Variants in IPO9 observed in about 807,000 individuals in gnomAD.
IPO9 encodes importin 9, also known as importin-9.
In IPO9, 28 loss-of-function variants were observed where a neutral mutation model predicts 128.6. The ratio of observed to expected loss-of-function variants is 0.22; its 90% CI spans 0.16 to 0.30. The LOEUF (loss-of-function observed/expected upper bound fraction) is 0.30. Among genes scored for constraint, IPO9 ranks in the 10% least tolerant of loss-of-function variants. The pLI, the probability that IPO9 is intolerant of heterozygous loss-of-function variation, is 1.00. For missense variants in IPO9, 935 were observed against 1,293.9 expected, an observed-to-expected ratio of 0.72 and a Z score of 4.26; for synonymous variants, 455 against 475.8, an observed-to-expected ratio of 0.96 and a Z score of 0.57.
intron 2 of IPO9, 63 bp downstream of exon 2, chr1:201,847,403 T>C (rs1000912364): frequency 7.3e-6 from 11 of 1,515,694 alleles, no homozygotes; most frequent in East Asian, 4.5e-5. Context: ...AACTTTCTTA[T>C]AGGAAAGAAA....
intron 1 of IPO9, among the ~76,000 whole-genome samples, chr1:201,833,681 A>C (rs1043762678): frequency 2.0e-5 from 3 of 152,260 alleles, no homozygotes; most frequent in Admixed American, 1.3e-4. Flanking sequence ...AACCACCTTC[A>C]TCAGATAGCA....
In IPO9 at chr1:201,829,311, C is replaced by A; in HGVS notation, c.102C>A (p.Ser34=). The change falls in exon 1 of 24, where the codon TCC becomes TCA. Residue 34 remains serine (S), a synonymous_variant. Transcript: ENST00000361565. ...ALVDTLTGIL[S]PVQEVRAAAE... ...TGGATACGCTCACCGGGATCCTATC[C>A]CCAGTACAGGAGGTGCGGGCGGCTG... The A allele has an allele frequency of 6.3e-7, 1 of 1,596,576 alleles. No homozygotes were observed.
chr1:201,869,392 G>T (rs1312435350), intron 16 of IPO9, among the ~76,000 whole-genome samples, 198 bp from the exon 17 acceptor site: 1 of 152,154 alleles, frequency 6.6e-6, no homozygotes, highest in Non-Finnish European at 1.5e-5. Flanking sequence ...CCACCCCTAT[G>T]GCTAATCAAT....
At chr1:201,854,040 G>T (rs1680274226) in intron 6 of IPO9, among the ~76,000 whole-genome samples, 1 of 152,038 alleles carries the variant, frequency 6.6e-6, no homozygotes, top group Admixed American at 6.6e-5. Flanking sequence ...CCAGCCTAAT[G>T]AATTTATATT....
At chr1:201,835,789 C>G (rs1450787185) in intron 1 of IPO9, among the ~76,000 whole-genome samples, 1 of 152,082 alleles carries the variant, frequency 6.6e-6, no homozygotes, top group Non-Finnish European at 1.5e-5. Context: ...TTAGGCTATT[C>G]TTTCTCATAT....
intron 1 of IPO9, among the ~76,000 whole-genome samples, chr1:201,841,085 G>GAGGC (rs1680027295): frequency 6.6e-6 from 1 of 152,072 alleles, no homozygotes; most frequent in Non-Finnish European, 1.5e-5. Context: ...AAACAATAGG[G>GAGGC]AGGCACTAAA....
chr1:201,857,506 C>T (rs952473508), intron 11 of IPO9, among the ~76,000 whole-genome samples: 1 of 152,040 alleles, frequency 6.6e-6, no homozygotes, highest in Non-Finnish European at 1.5e-5. Flanking sequence ...AAGAACATTT[C>T]AGTTTATGGC....
In IPO9 at chr1:201,869,573, T is replaced by C; in HGVS notation, c.2005-17T>C. On this transcript the variant is annotated splice_polypyrimidine_tract_variant and intron_variant, in intron 16 of 23. Transcript: ENST00000361565. ...CCCAGAGGCAATTCTGACTTTTCTT[T>C]TTCTTCTCTCTTTCAGACAGCCATT... The C allele has an allele frequency of 1.2e-6, 2 of 1,613,774 alleles. No individual in the cohort carries two copies. The highest frequency in any genetic ancestry group is 1.7e-6 in the Non-Finnish European group (2 of 1,179,794).
chr1:201,853,088 G>T lies in IPO9; in HGVS notation c.681G>T (p.Glu227Asp). The T allele has an allele frequency of 6.2e-7, 1 of 1,614,052 alleles. No individual in the cohort carries two copies. Among genetic ancestry groups the T allele is most frequent in the South Asian group, 1.1e-5 (1 of 91,082 alleles). Residue 227 changes from glutamate (E) to aspartate (D), a missense_variant, in exon 6 of 24, where the codon GAG becomes GAT. Physicochemically the swap from Glu to Asp is conservative, Grantham distance 45 (BLOSUM62 2). Around this residue, in one of 3 missense-constraint regions of IPO9, gnomAD observed 741 missense variants for 1,019.1 expected, o/e 0.73. Coordinates refer to ENST00000361565, the MANE Select transcript of IPO9 (RefSeq NM_018085.5). Reference sequence around the variant, plus strand: ...CCCATATGATCTGTAACATGGAGGAGCTGGAAAAGGTAAGCAGGTCTTTGG... The same window carrying T: ...CCCATATGATCTGTAACATGGAGGATCTGGAAAAGGTAAGCAGGTCTTTGG... ...TCAHMICNME[E>D]LEKGAAKVLI...
intron 16 of IPO9, 77 bp downstream of exon 16, chr1:201,868,873 A>G (rs1460440140): frequency 8.9e-6 from 13 of 1,468,870 alleles, no homozygotes; most frequent in South Asian, 2.8e-5. Flanking sequence ...CTAGCTGACA[A>G]GAACCTAATA....
intron 1 of IPO9, among the ~76,000 whole-genome samples, chr1:201,842,712 A>G (rs1019836202): frequency 6.6e-6 from 1 of 152,208 alleles, no homozygotes; most frequent in Admixed American, 6.5e-5. Flanking sequence ...AACTCAAAAG[A>G]TACTGCCACA....
In IPO9 at chr1:201,878,603, G is replaced by A. The variant is rs1390296224; in HGVS notation, c.*2549G>A. ...CTAGTAACACTTAAGGGCTACCCCTGGCTAACAGATACTCGGCTGTGGGTG... is the reference window on the plus strand; with the variant it reads ...CTAGTAACACTTAAGGGCTACCCCTAGCTAACAGATACTCGGCTGTGGGTG... On this transcript the variant is annotated 3_prime_UTR_variant, in exon 24 of 24. Transcript: ENST00000361565. The A allele has an allele frequency of 6.6e-6, 1 of 152,612 alleles. No homozygotes were observed. The highest frequency in any genetic ancestry group is 2.4e-5 in the African/African-American group (1 of 41,442). 9.5% of individuals were successfully genotyped at this position (152,612 alleles called of 1,614,324 possible). A position where few individuals can be genotyped will look rare whatever the true frequency, so the allele number is the denominator to read the frequency against.
chr1:201,843,401 GAA>G (rs1277116789), intron 1 of IPO9, among the ~76,000 whole-genome samples: 5 of 152,180 alleles, frequency 3.3e-5, no homozygotes, highest in African/African-American at 9.7e-5. Flanking sequence ...GAAAAAAAAA[GAA>G]AAGGAAAGTT....
At chr1:201,865,199 C>CTTTTTTTTTTTTTTTTT (rs201084995) in intron 14 of IPO9, among the ~76,000 whole-genome samples, 1 of 132,850 alleles carries the variant, frequency 7.5e-6, no homozygotes, top group Non-Finnish European at 1.6e-5. Context: ...AACTATTTTT[C>CTTTTTTTTTTTTTTTTT]TTTTTTTTTT....
At chr1:201,854,574 G>T in intron 6 of IPO9, 21 bp from the exon 7 acceptor site, 1 of 1,612,342 alleles carries the variant, frequency 6.2e-7, no homozygotes, top group South Asian at 1.1e-5. Flanking sequence ...GTCCAGTATT[G>T]ACTTTGGTTT....
intron 14 of IPO9, among the ~76,000 whole-genome samples, chr1:201,866,280 C>T (rs1571553548): frequency 6.6e-6 from 1 of 152,056 alleles, no homozygotes; most frequent in Non-Finnish European, 1.5e-5. Context: ...TGTGAGCCAC[C>T]GTGCCTGGTC....
At chr1:201,839,068 C>G (rs931625175) in intron 1 of IPO9, among the ~76,000 whole-genome samples, 14 of 151,594 alleles carry the variant, frequency 9.2e-5, no homozygotes, top group Non-Finnish European at 1.6e-4. Flanking sequence ...TACAGGCGCC[C>G]GCCACCACGC....
At chr1:201,875,766 ATGT>A (rs956110782) in intron 23 of IPO9, among the ~76,000 whole-genome samples, 175 bp from the exon 24 acceptor site, 8 of 152,146 alleles carry the variant, frequency 5.3e-5, no homozygotes, top group African/African-American at 1.7e-4. Context: ...CCTTGGAAAA[ATGT>A]TGTTTCCCTG....
Position 201,848,457 on chromosome 1 carries a change from C to T in IPO9, c.377C>T (p.Ser126Phe). 6.2e-7 allele frequency: 1 copy of T among 1,614,190 alleles called. No homozygotes were observed. The highest frequency in any genetic ancestry group is 8.5e-7 in the Non-Finnish European group (1 of 1,180,032). Residue 126 changes from serine to phenylalanine, a missense_variant, in exon 4 of 24, where the codon TCC becomes TTC. Physicochemically the swap from Ser to Phe is radical, Grantham distance 155. Coordinates refer to ENST00000361565, the MANE Select transcript of IPO9 (RefSeq NM_018085.5). ...GLRESISKVR[S>F]SVAYAVSAIA... The stretch of plus-strand genomic sequence containing the variant: ...AGAGAATCGATAAGCAAAGTGCGCT[C>T]CAGTGTGGCCTATGCAGTGTCAGCC...
Sources: allele counts gnomAD v4.1 joint callset (sites outside exome capture counted in the v4.1 genomes callset), GRCh38; gene constraint gnomAD v4.1.1; regional missense constraint gnomAD v4.1.1; transcripts MANE v1.5; gene names NCBI Gene and HGNC (gene_info 2026-07-23, HGNC 2026-07-21).